The following SEMA6C variants were observed in gnomAD, a reference collection of about 807,000 sequenced individuals.
The protein encoded by SEMA6C is semaphorin 6C.
A neutral mutation model predicts 72.9 loss-of-function variants in SEMA6C; 37 were observed. The observed-to-expected ratio is 0.51, with a 90% CI of 0.39 to 0.67. The LOEUF (loss-of-function observed/expected upper bound fraction) is 0.67, where lower values mean the gene tolerates loss of function less well. Among genes scored for constraint, SEMA6C ranks in the 30% least tolerant of loss-of-function variants. The pLI is 0.00. For synonymous variants in SEMA6C, 578 were observed against 554.1 expected, an observed-to-expected ratio of 1.04 and a Z score of -0.61; for missense variants, 1,189 against 1,263.6, an observed-to-expected ratio of 0.94 and a Z score of 0.89.
rs12081338 is a variant in SEMA6C, at chr1:151,139,147, G to C, written c.354+278C>G. Among the ~76,000 whole-genome samples the C allele has an allele frequency of 7.7e-3, 1,165 of 152,008 alleles. 12 individuals are homozygous for C. Among genetic ancestry groups the C allele is most frequent in the African/African-American group, 0.024 (1,008 of 41,464 alleles). ...GAAAGAAAGGTGGGCTACTCCTCTG[G>C]AGCCCAACAGAGCAATGTGAGATAA... is the stretch of plus-strand genomic sequence containing the variant. On this transcript the variant is annotated intron_variant, in intron 6 of 18. Transcript: ENST00000368914.
At chr1:151,134,491 A>T (rs1558179690) in intron 17 of SEMA6C, 46 bp from the exon 18 acceptor site, 2 of 1,608,102 alleles carry the variant, frequency 1.2e-6, no homozygotes, top group South Asian at 2.2e-5. Flanking sequence ...GAGAAGCTTC[A>T]TGAAGAACTG....
Position 151,138,662 on chromosome 1 carries a change from T to C in SEMA6C, c.424A>G (p.Asn142Asp). 2 of 1,614,212 alleles carry C rather than the reference T, an allele frequency of 1.2e-6. No homozygotes were observed. The highest frequency in any genetic ancestry group is 1.7e-6 in the Non-Finnish European group (2 of 1,180,014). The change falls in exon 7 of 19, where the codon AAC (asparagine) becomes GAC (aspartate). Residue 142 changes from asparagine to aspartate, a missense_variant. Transcript: ENST00000368914. The stretch of plus-strand genomic sequence containing the variant: ...CTGCGGCACACAGGGCTGAATGAGT[T>C]CGTTCCACAGGCAAGGAGCGTCTGG... Reference protein sequence around the residue: ...DSQTLLACGTNSFSPVCRSYG... With the variant: ...DSQTLLACGTDSFSPVCRSYG...
intron 2 of SEMA6C, among the ~76,000 whole-genome samples, chr1:151,143,382 C>A (rs1031350103): frequency 6.6e-6 from 1 of 152,190 alleles, no homozygotes; most frequent in African/African-American, 2.4e-5. Context: ...GCTCTGGCTG[C>A]AGCTGTCTGC....
chr1:151,137,138 A>C, intron 10 of SEMA6C, 64 bp from the exon 11 acceptor site: 2 of 1,453,242 alleles, frequency 1.4e-6, no homozygotes, highest in South Asian at 2.3e-5. Flanking sequence ...GCATGCAAGG[A>C]GTGTGGTGAG....
chr1:151,135,520 T>G, intron 14 of SEMA6C, 71 bp downstream of exon 14: 1 of 1,536,886 alleles, frequency 6.5e-7, no homozygotes, highest in Non-Finnish European at 8.8e-7. Context: ...TCCAACCTAT[T>G]CCCGAATCTG....
chr1:151,136,634 C>G, intron 11 of SEMA6C, 55 bp from the exon 12 acceptor site: 1 of 1,604,804 alleles, frequency 6.2e-7, no homozygotes, highest in Non-Finnish European at 8.5e-7. Context: ...GCACAACTTC[C>G]CCCAGGAAGA....
At position 151,137,762 on chromosome 1, in the gene SEMA6C, A is replaced by G; in HGVS notation, c.705T>C (p.His235=). Residue 235 remains histidine (H), a synonymous_variant, in exon 10 of 19, where the codon CAT becomes CAC. Coordinates refer to ENST00000368914, the MANE Select transcript of SEMA6C (RefSeq NM_030913.6). ...HFVQALEHGD[H]VYFFFREVSV... ...AGACCTCGCGGAAGAAGAAGTAGAC[A>G]TGGTCTCCATGCTCCAAGGCCTGGA... 2.5e-6 allele frequency: 4 copies of G among 1,613,754 alleles called. No homozygotes were observed. The highest frequency in any genetic ancestry group is 1.1e-5 in the South Asian group (1 of 91,052).
chr1:151,142,549 C>A lies in SEMA6C; in HGVS notation c.73G>T (p.Ala25Ser). 1.2e-6 allele frequency: 2 copies of A among 1,612,048 alleles called. No individual in the cohort carries two copies. The highest frequency in any genetic ancestry group is 8.5e-7 in the Non-Finnish European group (1 of 1,179,160). Reference sequence around the variant, plus strand: ...AGAGGGAGGGGGTCCTGGGGAAAGGCGGCCTGAGTATGGGGAAGTGAGAGC... The same window carrying A: ...AGAGGGAGGGGGTCCTGGGGAAAGGAGGCCTGAGTATGGGGAAGTGAGAGC... ...LLLSLPHTQA[A>S]FPQDPLPLLI... The change falls in exon 3 of 19, where the codon GCC becomes TCC. Residue 25 changes from alanine (A) to serine (S), a missense_variant. Ala to Ser is a moderately conservative substitution (Grantham distance 99). Transcript: ENST00000368914.
Position 151,146,600 on chromosome 1 carries a change from A to C in SEMA6C, c.-272T>G, listed in dbSNP as rs1054736721. 6.6e-6 allele frequency: 1 copy of C among 152,242 alleles called. No homozygotes were observed. Among genetic ancestry groups the C allele is most frequent in the East Asian group, 1.9e-4 (1 of 5,190 alleles). The allele number at this position is 152,242 out of a possible 1,614,324, so 9.4% of individuals were successfully genotyped here. A position where few individuals can be genotyped will look rare whatever the true frequency, so the allele number is the denominator to read the frequency against. Reference sequence around the variant, plus strand: ...CGCTGTCGGGAGAGCCCTGGGTCCAAGTCCAGCCGCGGATCCGCGGAGGAA... The same window carrying C: ...CGCTGTCGGGAGAGCCCTGGGTCCACGTCCAGCCGCGGATCCGCGGAGGAA... On this transcript the variant is annotated 5_prime_UTR_variant, in exon 1 of 19. Coordinates refer to ENST00000368914, the MANE Select transcript of SEMA6C (RefSeq NM_030913.6). This position sits in a 1 kb window ranked among gnomAD's most constrained non-coding sequence, Gnocchi z 4.6.
In SEMA6C at chr1:151,138,331, C is replaced by T. The variant is rs1306610118; in HGVS notation, c.532G>A (p.Val178Met). 1 of 1,614,032 alleles carries T rather than the reference C, an allele frequency of 6.2e-7. No homozygotes were observed. The highest frequency in any genetic ancestry group is 1.1e-5 in the South Asian group (1 of 91,042). The change falls in exon 8 of 19, where the codon GTG becomes ATG. Residue 178 changes from valine to methionine, a missense_variant. Physicochemically the swap from Val to Met is conservative, Grantham distance 21. This residue lies in a region of SEMA6C where 468 missense variants were observed against 577.4 expected (regional missense o/e 0.81). Transcript: ENST00000368914. Reference sequence around the variant, plus strand: ...AGTTGCACACCTGCAAAGATGGCCACGTTGGACTGGGTGGCATCAAAGGGG... The same window carrying T: ...AGTTGCACACCTGCAAAGATGGCCATGTTGGACTGGGTGGCATCAAAGGGG... The part of the protein sequence containing the change: ...RCPFDATQSN[V>M]AIFAEGSLYS...
Position 151,132,400 on chromosome 1 carries a change from G to A in SEMA6C, c.*84C>T, listed in dbSNP as rs1183304866. The A allele has an allele frequency of 6.6e-7, 1 of 1,522,894 alleles. No homozygotes were observed. Among genetic ancestry groups the A allele is most frequent in the South Asian group, 1.2e-5 (1 of 80,196 alleles). 94.3% of individuals were successfully genotyped at this position (1,522,894 alleles called of 1,614,324 possible). A position where few individuals can be genotyped will look rare whatever the true frequency, so the allele number is the denominator to read the frequency against. On this transcript the variant is annotated 3_prime_UTR_variant, in exon 19 of 19. Transcript: ENST00000368914. Reference sequence around the variant, plus strand: ...AAGGCTGGAGGTGCGGGGCGAGGGGGCGGTGAAACGTCCTGAAGAGCGTCC... The same window carrying A: ...AAGGCTGGAGGTGCGGGGCGAGGGGACGGTGAAACGTCCTGAAGAGCGTCC...
chr1:151,135,793 C>A, intron 13 of SEMA6C, 29 bp from the exon 14 acceptor site: 1 of 1,610,278 alleles, frequency 6.2e-7, no homozygotes. Flanking sequence ...GGTCAGGGAA[C>A]CTGTCTAGTG....
intron 5 of SEMA6C, 26 bp from the exon 6 acceptor site, chr1:151,139,507 A>T (rs1256301973): frequency 6.2e-7 from 1 of 1,610,848 alleles, no homozygotes; most frequent in Admixed American, 1.7e-5. Context: ...GAAGAGGGAA[A>T]ATCATGGGCA....
rs756132896 is a variant in SEMA6C, at chr1:151,132,769, C to T, written c.2508G>A (p.Ala836=). 6.4e-6 allele frequency: 9 copies of T among 1,415,336 alleles called. No individual in the cohort carries two copies. In the East Asian group the frequency reaches 1.9e-4, roughly 30 times the overall value. The allele number at this position is 1,415,336 out of a possible 1,614,324, so 87.7% of individuals were successfully genotyped here. A position where few individuals can be genotyped will look rare whatever the true frequency, so the allele number is the denominator to read the frequency against. Residue 836 remains alanine (A), a synonymous_variant, in exon 19 of 19, where the codon GCG becomes GCA. Transcript: ENST00000368914. ...GRCASAPARP[A]LSAPAPRLGV... is the part of the protein sequence containing the mutation. Reference sequence around the variant, plus strand: ...CCAGCCGGGGAGCGGGGGCGGAGAGCGCGGGCCGGGCGGGGGCAGAGGCGC... The same window carrying T: ...CCAGCCGGGGAGCGGGGGCGGAGAGTGCGGGCCGGGCGGGGGCAGAGGCGC...
chr1:151,136,636 C>A, intron 11 of SEMA6C, 57 bp from the exon 12 acceptor site: 1 of 1,602,984 alleles, frequency 6.2e-7, no homozygotes, highest in Non-Finnish European at 8.5e-7. Flanking sequence ...ACAACTTCCC[C>A]CAGGAAGAAG....
intron 3 of SEMA6C, among the ~76,000 whole-genome samples, chr1:151,142,059 T>G (rs1682599557): frequency 8.2e-6 from 1 of 122,150 alleles, no homozygotes; most frequent in East Asian, 2.6e-4. Context: ...TTTTTTTTTT[T>G]GAGACGGAGT....
Position 151,135,292 on chromosome 1 carries a change from G to C in SEMA6C, c.1451C>G (p.Thr484Arg). The C allele has an allele frequency of 1.9e-6, 3 of 1,613,908 alleles. No homozygotes were observed. Among genetic ancestry groups the C allele is most frequent in the Non-Finnish European group, 2.5e-6 (3 of 1,179,866 alleles). ...YSPARCSGKR[T>R]AQTARRIIGL... ...TATGATCCGTCGTGCTGTTTGGGCT[G>C]TCCGCTTCCCACTGCACCTAGGGTG... Residue 484 changes from threonine to arginine, a missense_variant, in exon 15 of 19, where the codon ACA becomes AGA. Physicochemically the swap from Thr to Arg is moderately conservative, Grantham distance 71. This residue lies in a region of SEMA6C where 721 missense variants were observed against 686.2 expected (regional missense o/e 1.05). Transcript: ENST00000368914.
intron 2 of SEMA6C, among the ~76,000 whole-genome samples, chr1:151,143,757 T>C (rs1682745350): frequency 6.6e-6 from 1 of 152,146 alleles, no homozygotes. Flanking sequence ...GCTTCCTGCC[T>C]TCCCCTAAAA....
In SEMA6C at chr1:151,139,694, C is replaced by T. The variant is rs370412055; in HGVS notation, c.241G>A (p.Val81Ile). ...RTLLVAARDHVFSFDLQAEEE... is the reference protein window; with the variant it reads ...RTLLVAARDHIFSFDLQAEEE... ...TCGGCTTGAAGATCGAAGGAGAAAA[C>T]GTGATCCCTGAGGGGGTAGGTAAGG... is the stretch of plus-strand genomic sequence containing the variant. The change falls in exon 5 of 19, where the codon GTT (valine) becomes ATT (isoleucine). Residue 81 changes from valine (V) to isoleucine (I), a missense_variant. This residue lies in a region of SEMA6C where 468 missense variants were observed against 577.4 expected (regional missense o/e 0.81). Coordinates refer to ENST00000368914, the MANE Select transcript of SEMA6C (RefSeq NM_030913.6). 3.6e-5 allele frequency: 57 copies of T among 1,602,836 alleles called. 1 individual carries two copies. Among genetic ancestry groups the T allele is most frequent in the Admixed American group, 3.0e-4 (18 of 59,286 alleles).
Sources: gnomAD v4.1 joint callset for allele counts (sites outside exome capture counted in the v4.1 genomes callset) on GRCh38, gnomAD v4.1.1 for gene constraint, gnomAD v4.1.1 regional missense constraint, Gnocchi (gnomAD v3.1) non-coding constraint, MANE v1.5 for transcripts, NCBI Gene and HGNC (gene_info 2026-07-23, HGNC 2026-07-21) for gene names.